CDH18: variants seen among roughly 807,000 people sequenced by gnomAD.
CDH18 encodes the protein cadherin 18.
CDH18 carries 31 observed loss-of-function variants against 67.9 expected under a neutral mutation model. The ratio of observed to expected loss-of-function variants is 0.46; its 90% CI spans 0.34 to 0.62. CDH18 has a LOEUF of 0.62. Among genes scored for constraint, CDH18 ranks in the 20% least tolerant of loss-of-function variants. The pLI, the probability that CDH18 is intolerant of heterozygous loss-of-function variation, is 0.01. For missense variants in CDH18, 890 were observed against 975.5 expected (o/e 0.91, Z 1.17); for synonymous variants, 362 against 347.2 (o/e 1.04, Z -0.48).
intron 2 of CDH18, among the ~76,000 whole-genome samples, chr5:20,178,403 G>T (rs1377799755): frequency 1.3e-5 from 2 of 151,044 alleles, no homozygotes; most frequent in Admixed American, 6.6e-5. Flanking sequence ...TGGAAATCGT[G>T]ACTAAAAACA....
chr5:20,031,381 T>A (rs895761866), intron 2 of CDH18, among the ~76,000 whole-genome samples: 2 of 152,062 alleles, frequency 1.3e-5, no homozygotes, highest in East Asian at 3.9e-4. Flanking sequence ...GAGTCCTGAG[T>A]ATAATGTTCG....
At chr5:20,093,020 A>G (rs1273875055) in intron 2 of CDH18, among the ~76,000 whole-genome samples, 2 of 152,312 alleles carry the variant, frequency 1.3e-5, no homozygotes, top group African/African-American at 2.4e-5. Context: ...TAAAATATGC[A>G]TAACATAAAA....
chr5:20,035,796 G>A (rs1391814591), intron 2 of CDH18, among the ~76,000 whole-genome samples: 1 of 151,992 alleles, frequency 6.6e-6, no homozygotes, highest in African/African-American at 2.4e-5. Context: ...TTAACTTGCT[G>A]AGAGTGATTG....
At chr5:19,519,355 G>A (rs1746534126) in intron 10 of CDH18, among the ~76,000 whole-genome samples, 1 of 152,118 alleles carries the variant, frequency 6.6e-6, no homozygotes, top group Non-Finnish European at 1.5e-5. Context: ...CACAAAAAAG[G>A]ATGCTTCTCA....
At chr5:19,963,056 G>A (rs1024066543) in intron 2 of CDH18, among the ~76,000 whole-genome samples, 2 of 151,904 alleles carry the variant, frequency 1.3e-5, no homozygotes, top group African/African-American at 4.8e-5. Flanking sequence ...TTGCTAACAA[G>A]AGATCTGACA....
At chr5:20,019,934 T>C (rs1738251677) in intron 2 of CDH18, among the ~76,000 whole-genome samples, 1 of 152,194 alleles carries the variant, frequency 6.6e-6, no homozygotes. Context: ...ACCAAAATGC[T>C]GATATTGATG....
chr5:19,476,327 T>C (rs1738454863), intron 12 of CDH18, among the ~76,000 whole-genome samples: 1 of 152,006 alleles, frequency 6.6e-6, no homozygotes. Context: ...AAGCTGAAAA[T>C]GAAATGTTGG....
At chr5:19,837,000 G>A (rs1161815970) in intron 3 of CDH18, among the ~76,000 whole-genome samples, 2 of 152,000 alleles carry the variant, frequency 1.3e-5, no homozygotes, top group African/African-American at 4.8e-5. Context: ...CAAAGACTTG[G>A]AACCATCCCA....
At chr5:19,903,541 G>GTATATATATATATATA (rs112818883) in intron 2 of CDH18, among the ~76,000 whole-genome samples, 3,758 of 124,344 alleles carry the variant, frequency 0.03, 115 homozygotes, top group South Asian at 0.049. Flanking sequence ...GTGTGTGTGT[G>GTATATATATATATATA]TATATATATA....
At chr5:20,295,872 CTT>C (rs35024141) in intron 1 of CDH18, among the ~76,000 whole-genome samples, 52 of 109,970 alleles carry the variant, frequency 4.7e-4, no homozygotes, top group East Asian at 7.6e-4. Context: ...TCTTTTTTTT[CTT>C]TTTTTTTTTT....
intron 9 of CDH18, among the ~76,000 whole-genome samples, chr5:19,533,247 T>A (rs1424436424): frequency 6.6e-6 from 1 of 152,162 alleles, no homozygotes; most frequent in South Asian, 2.1e-4. Context: ...AAAGAAAGAA[T>A]CTTTTTCTTG....
chr5:20,391,214 T>C (rs979685924), intron 1 of CDH18, among the ~76,000 whole-genome samples: 2 of 152,092 alleles, frequency 1.3e-5, no homozygotes, highest in Non-Finnish European at 2.9e-5. Flanking sequence ...ATATATAACA[T>C]AAACACATAT....
At chr5:19,839,980 C>T (rs375349675) in intron 2 of CDH18, among the ~76,000 whole-genome samples, 5 of 151,272 alleles carry the variant, frequency 3.3e-5, no homozygotes, top group Non-Finnish European at 7.4e-5. Context: ...AGTTGAAGGC[C>T]GGGTGGGGTG....
intron 1 of CDH18, among the ~76,000 whole-genome samples, chr5:20,290,987 T>TA (rs1401965839): frequency 6.6e-6 from 1 of 152,056 alleles, no homozygotes; most frequent in African/African-American, 2.4e-5. Context: ...GGTTCTAATG[T>TA]AAAAAATATT....
chr5:20,056,056 G>GTGCCATCT, intron 2 of CDH18, among the ~76,000 whole-genome samples: 1 of 133,632 alleles, frequency 7.5e-6, no homozygotes, highest in African/African-American at 2.9e-5. Context: ...CCAGGCTGGA[G>GTGCCATCT]TGCAGTGGCA....
chr5:20,010,230 C>G (rs1323978751), intron 2 of CDH18, among the ~76,000 whole-genome samples: 2 of 150,782 alleles, frequency 1.3e-5, no homozygotes, highest in Non-Finnish European at 3.0e-5. Context: ...TCTTACATCA[C>G]TCCTTCTTTT....
At chr5:19,528,972 A>T (rs575470675) in intron 9 of CDH18, among the ~76,000 whole-genome samples, 28 of 152,030 alleles carry the variant, frequency 1.8e-4, no homozygotes, top group African/African-American at 6.7e-4. Flanking sequence ...GTTTGGAAAT[A>T]GAACTTAAAA....
intron 1 of CDH18, among the ~76,000 whole-genome samples, chr5:20,455,734 T>C (rs1039720254): frequency 1.3e-5 from 2 of 152,096 alleles, no homozygotes; most frequent in African/African-American, 4.8e-5. Flanking sequence ...AAATTAAACA[T>C]TTAAATTTTT....
At chr5:19,588,796 A>T (rs1003612448) in intron 7 of CDH18, among the ~76,000 whole-genome samples, 34 of 152,238 alleles carry the variant, frequency 2.2e-4, no homozygotes, top group African/African-American at 7.7e-4. Flanking sequence ...ATCGAAAAAG[A>T]CAAAAAAAGA....
Sources: allele counts gnomAD v4.1 joint callset (sites outside exome capture counted in the v4.1 genomes callset), GRCh38; gene constraint gnomAD v4.1.1; transcripts MANE v1.5; gene names NCBI Gene and HGNC (gene_info 2026-07-23, HGNC 2026-07-21).